CLASP1: variants seen among roughly 807,000 people sequenced by gnomAD.
The protein encoded by CLASP1 is CLIP-associating protein 1.
CLASP1 carries 38 observed loss-of-function variants against 192.3 expected under a neutral mutation model. That is an observed-to-expected ratio of 0.20 (90% CI 0.15 to 0.26). The LOEUF (loss-of-function observed/expected upper bound fraction) is 0.26. Ranked by LOEUF, CLASP1 falls within the 10% of genes least tolerant of loss-of-function variation. CLASP1 has a pLI of 1.00. For missense variants in CLASP1, 1,433 were observed against 1,932.5 expected (o/e 0.74, Z 4.85); for synonymous variants, 691 against 712.8 (o/e 0.97, Z 0.49).
intron 17 of CLASP1, 110 bp downstream of exon 17, chr2:121,448,843 G>T: frequency 9.6e-7 from 1 of 1,040,816 alleles, no homozygotes. Context: ...AAGTAAGGGG[G>T]CGTTTTAACA....
intron 8 of CLASP1, among the ~76,000 whole-genome samples, chr2:121,471,933 C>G (rs2090807182): frequency 6.6e-6 from 1 of 152,122 alleles, no homozygotes; most frequent in African/African-American, 2.4e-5. Flanking sequence ...ATAAGAACAA[C>G]CCAAAGGAAA....
At chr2:121,407,521 T>C (rs2077097582) in exon 25 of CLASP1, 3 of 1,614,044 alleles carry the variant, frequency 1.9e-6, no homozygotes, top group Non-Finnish European at 2.5e-6. Flanking sequence ...GAAGCCCTTC[T>C]TTCCTTTCTG....
At chr2:121,439,140 G>C (rs1288756987) in intron 19 of CLASP1, among the ~76,000 whole-genome samples, 1 of 151,908 alleles carries the variant, frequency 6.6e-6, no homozygotes, top group East Asian at 1.9e-4. Context: ...AGTATTCTCT[G>C]ATGGTAGTTT....
chr2:121,584,993 A>C (rs2061564649), intron 2 of CLASP1, among the ~76,000 whole-genome samples: 1 of 151,264 alleles, frequency 6.6e-6, no homozygotes, highest in African/African-American at 2.4e-5. Context: ...ACTGTATGTC[A>C]GCACTTACGA....
chr2:121,486,856 A>G (rs1559401449), intron 8 of CLASP1, among the ~76,000 whole-genome samples: 1 of 152,356 alleles, frequency 6.6e-6, no homozygotes, highest in East Asian at 1.9e-4. Flanking sequence ...ATACGAAGAC[A>G]AAGAGAAAGA....
At chr2:121,424,498 A>G (rs1264593867) in intron 22 of CLASP1, among the ~76,000 whole-genome samples, 3 of 152,246 alleles carry the variant, frequency 2.0e-5, no homozygotes, top group Non-Finnish European at 4.4e-5. Context: ...TCTAAATTTT[A>G]TATTTAAAAA....
chr2:121,463,827 G>C (rs1210729460), intron 9 of CLASP1, among the ~76,000 whole-genome samples: 1 of 151,988 alleles, frequency 6.6e-6, no homozygotes, highest in African/African-American at 2.4e-5. Flanking sequence ...CACCAGTCTA[G>C]TAATTTTCTA....
intron 7 of CLASP1, among the ~76,000 whole-genome samples, chr2:121,515,450 G>A (rs574814899): frequency 3.1e-3 from 478 of 152,336 alleles, no homozygotes; most frequent in Non-Finnish European, 5.4e-3. Context: ...GACCTGGCCA[G>A]TTGTCTGAGT....
chr2:121,360,180 A>G (rs1057307048), intron 37 of CLASP1, among the ~76,000 whole-genome samples: 5 of 152,160 alleles, frequency 3.3e-5, no homozygotes, highest in Admixed American at 1.3e-4. Context: ...AAGCAGCCCC[A>G]TGTTAACCTG....
At chr2:121,526,217 C>T (rs528757832) in intron 5 of CLASP1, among the ~76,000 whole-genome samples, 2 of 152,352 alleles carry the variant, frequency 1.3e-5, no homozygotes, top group South Asian at 2.1e-4. Flanking sequence ...CCCCAGGTCC[C>T]GCTTGCCTCA....
chr2:121,436,536 A>T (rs1204993101), intron 19 of CLASP1, among the ~76,000 whole-genome samples: 2 of 150,328 alleles, frequency 1.3e-5, no homozygotes, highest in Non-Finnish European at 3.0e-5. Flanking sequence ...TCAGCCTCCC[A>T]AGCAGCTGGG....
At position 121,347,174 on chromosome 2, in the gene CLASP1, C is replaced by T; in HGVS notation, c.4414-20G>A. 1.3e-6 allele frequency: 2 copies of T among 1,482,828 alleles called. No individual in the cohort carries two copies. Among genetic ancestry groups the T allele is most frequent in the Non-Finnish European group, 1.8e-6 (2 of 1,082,624 alleles). 91.9% of individuals were successfully genotyped at this position (1,482,828 alleles called of 1,614,324 possible). A position where few individuals can be genotyped will look rare whatever the true frequency, so the allele number is the denominator to read the frequency against. ...ATAACCCTAGAGAGCCAGAAGGGAA[C>T]ACGAAAAGGAAACCAGATCAAAGAT... is the stretch of plus-strand genomic sequence containing the variant. On this transcript the variant is annotated intron_variant, in intron 38 of 39. Transcript: ENST00000263710.
chr2:121,368,327 G>A (rs1055748711), intron 34 of CLASP1, among the ~76,000 whole-genome samples: 3 of 152,078 alleles, frequency 2.0e-5, no homozygotes, highest in African/African-American at 4.8e-5. Context: ...GGGCCTCGGC[G>A]CTTCACAATC....
intron 39 of CLASP1, among the ~76,000 whole-genome samples, chr2:121,343,704 TCA>T (rs1311921646): frequency 6.6e-6 from 1 of 152,158 alleles, no homozygotes; most frequent in East Asian, 1.9e-4. Context: ...GTGCAAAGGT[TCA>T]GTTTTGCAAA....
chr2:121,432,083 T>A (rs1306961872), intron 19 of CLASP1, among the ~76,000 whole-genome samples: 1 of 152,188 alleles, frequency 6.6e-6, no homozygotes, highest in African/African-American at 2.4e-5. Context: ...CTACACGACA[T>A]CACAATACTG....
At chr2:121,632,278 T>C (rs1321453108) in intron 1 of CLASP1, among the ~76,000 whole-genome samples, 1 of 152,020 alleles carries the variant, frequency 6.6e-6, no homozygotes, top group Non-Finnish European at 1.5e-5. Flanking sequence ...GCAGGCTGGA[T>C]TTCATCAAAA....
chr2:121,389,649 A>G (rs1044762765), intron 30 of CLASP1, among the ~76,000 whole-genome samples: 6 of 152,212 alleles, frequency 3.9e-5, no homozygotes, highest in Non-Finnish European at 2.9e-5. Context: ...ATATATGATT[A>G]CATTCTTGAA....
chr2:121,536,256 C>T (rs1226002954), intron 2 of CLASP1, among the ~76,000 whole-genome samples: 1 of 151,428 alleles, frequency 6.6e-6, no homozygotes, highest in South Asian at 2.1e-4. Context: ...TGACGGGCAC[C>T]TGTAGTCCCA....
chr2:121,389,833 A>G (rs2074032753), intron 30 of CLASP1, among the ~76,000 whole-genome samples: 1 of 152,198 alleles, frequency 6.6e-6, no homozygotes, highest in Non-Finnish European at 1.5e-5. Context: ...TCCAAGTTCT[A>G]GAAACGGTAG....
Sources: gnomAD v4.1 joint callset for allele counts (sites outside exome capture counted in the v4.1 genomes callset) on GRCh38, gnomAD v4.1.1 for gene constraint, MANE v1.5 for transcripts, NCBI Gene and HGNC (gene_info 2026-07-23, HGNC 2026-07-21) for gene names.